The following MLXIP variants were observed in gnomAD, a reference collection of about 807,000 sequenced individuals.
MLXIP encodes the protein MLX-interacting protein.
MLXIP carries 30 observed loss-of-function variants against 87.2 expected under a neutral mutation model. That is an observed-to-expected ratio of 0.34 (90% CI 0.26 to 0.47). MLXIP has a LOEUF of 0.47. MLXIP is among the 20% of genes least tolerant of loss of function. The pLI is 1.00. For synonymous variants in MLXIP, 530 were observed against 514.0 expected (o/e 1.03, Z -0.42); for missense variants, 1,002 against 1,240.1 (o/e 0.81, Z 2.88).
chr12:122,111,456 A>G (rs1952605250), intron 1 of MLXIP, among the ~76,000 whole-genome samples: 1 of 152,194 alleles, frequency 6.6e-6, no homozygotes, highest in Non-Finnish European at 1.5e-5. Context: ...GAATATTTAA[A>G]CCAACTACCA....
intron 12 of MLXIP, 62 bp from the exon 13 acceptor site, chr12:122,138,132 A>C: frequency 7.0e-7 from 1 of 1,428,168 alleles, no homozygotes; most frequent in Non-Finnish European, 9.6e-7. Context: ...GTAGGGGGTG[A>C]GGAAGGGTGG....
intron 3 of MLXIP, 33 bp from the exon 4 acceptor site, chr12:122,129,104 C>G: frequency 6.5e-7 from 1 of 1,539,780 alleles, no homozygotes; most frequent in Non-Finnish European, 8.9e-7. Flanking sequence ...AAGCAGAGCC[C>G]CCTCTTCACT....
chr12:122,132,418 C>T (rs776053066), intron 8 of MLXIP, 35 bp downstream of exon 8: 2 of 1,520,606 alleles, frequency 1.3e-6, no homozygotes, highest in Non-Finnish European at 1.8e-6. Context: ...GGGGAAGGGG[C>T]TGGCAGGCAC....
At chr12:122,136,872 G>C (rs1953102972) in intron 11 of MLXIP, 1 of 152,210 alleles carries the variant, frequency 6.6e-6, no homozygotes, top group Admixed American at 6.6e-5. Flanking sequence ...CATTGCCTTG[G>C]TCTCCGGAGT....
At chr12:122,101,570 T>TTTATTTA in intron 1 of MLXIP, among the ~76,000 whole-genome samples, 1 of 98,918 alleles carries the variant, frequency 1.0e-5, no homozygotes, top group Non-Finnish European at 2.0e-5. Context: ...TTATTTATTT[T>TTTATTTA]TTTCTTTTTT....
At chr12:122,141,610 T>G (rs1953205333) in intron 16 of MLXIP, 81 bp from the exon 17 acceptor site, 2 of 1,562,716 alleles carry the variant, frequency 1.3e-6, no homozygotes, top group Admixed American at 3.5e-5. Flanking sequence ...CATTCCCACA[T>G]GGGTTGTAGG....
intron 1 of MLXIP, among the ~76,000 whole-genome samples, chr12:122,119,205 AAC>A (rs1952740215): frequency 6.6e-6 from 1 of 151,944 alleles, no homozygotes; most frequent in African/African-American, 2.4e-5. Context: ...AAAACAAACA[AAC>A]AAAAAAACAG....
chr12:122,088,882 C>T (rs1952206338), intron 1 of MLXIP, among the ~76,000 whole-genome samples: 1 of 151,778 alleles, frequency 6.6e-6, no homozygotes, highest in Non-Finnish European at 1.5e-5. Context: ...TAAAGAACAG[C>T]CTGAAGAGGC....
Position 122,141,721 on chromosome 12 carries a change from C to A in MLXIP, c.2669C>A (p.Thr890Asn). The A allele has an allele frequency of 6.2e-7, 1 of 1,613,878 alleles. No homozygotes were observed. Among genetic ancestry groups the A allele is most frequent in the Non-Finnish European group, 8.5e-7 (1 of 1,179,874 alleles). Residue 890 changes from threonine (T) to asparagine (N), a missense_variant, in exon 17 of 17, where the codon ACC becomes AAC. By Grantham distance (65) the Thr-to-Asn change is moderately conservative (BLOSUM62 0). This residue lies in a region of MLXIP where 746 missense variants were observed against 897.0 expected (regional missense o/e 0.83). Transcript: ENST00000319080. ...MVLSTLRQLS[T>N]STSILTDPAQ... The stretch of plus-strand genomic sequence containing the variant: ...TTGAGCACGCTGCGGCAGCTGAGCA[C>A]CTCCACCTCCATCCTCACAGACCCG...
At chr12:122,087,560 C>T (rs1219374710) in intron 1 of MLXIP, among the ~76,000 whole-genome samples, 1 of 152,066 alleles carries the variant, frequency 6.6e-6, no homozygotes, top group Non-Finnish European at 1.5e-5. Flanking sequence ...GTGAGCTTGG[C>T]GCATTGCAAG....
rs761117981 is a variant in MLXIP at position 122,141,941 on chromosome 12, G to A, written c.*129G>A. The stretch of plus-strand genomic sequence containing the variant: ...CTCTCTCCAACTCTGCCGGCCCACC[G>A]TGGCATCGGGAGGCCATGCTCAGGT... On this transcript the variant is annotated 3_prime_UTR_variant, in exon 17 of 17. Transcript: ENST00000319080. 43 of 1,412,474 alleles carry A rather than the reference G, an allele frequency of 3.0e-5. No homozygotes were observed. Among genetic ancestry groups the A allele is most frequent in the Middle Eastern group, 2.6e-4 (1 of 3,910 alleles). 87.5% of individuals were successfully genotyped at this position (1,412,474 alleles called of 1,614,324 possible).
intron 1 of MLXIP, among the ~76,000 whole-genome samples, chr12:122,117,041 A>T (rs1165366233): frequency 6.6e-6 from 1 of 152,136 alleles, no homozygotes; most frequent in African/African-American, 2.4e-5. Context: ...GGTCATGGAA[A>T]TGATTACTCC....
rs918028619 is a variant in MLXIP at position 122,133,170 on chromosome 12, C to T, written c.1093-178C>T. ...TAGTTTTTAATGGAAACAAGACCCC[C>T]GCAGACACGCAGGGAAACACAAATC... On this transcript the variant is annotated intron_variant, in intron 8 of 16. Coordinates refer to ENST00000319080, the MANE Select transcript of MLXIP (RefSeq NM_014938.6). This position sits in a 1 kb window ranked among gnomAD's most constrained non-coding sequence, Gnocchi z 4.9. The T allele has an allele frequency of 4.1e-5, 26 of 631,414 alleles. No homozygotes were observed. Among genetic ancestry groups the T allele is most frequent in the Non-Finnish European group, 5.3e-5 (21 of 395,412 alleles). The allele number at this position is 631,414 out of a possible 1,614,324, so 39.1% of individuals were successfully genotyped here.
In MLXIP at chr12:122,146,048, A is replaced by G. The variant is rs1050464451; in HGVS notation, c.*4236A>G. The G allele has an allele frequency of 2.0e-5, 3 of 152,272 alleles. No individual in the cohort carries two copies. Among genetic ancestry groups the G allele is most frequent in the African/African-American group, 7.2e-5 (3 of 41,386 alleles). 9.4% of individuals were successfully genotyped at this position (152,272 alleles called of 1,614,324 possible). A position where few individuals can be genotyped will look rare whatever the true frequency, so the allele number is the denominator to read the frequency against. On this transcript the variant is annotated 3_prime_UTR_variant, in exon 17 of 17. Coordinates refer to ENST00000319080, the MANE Select transcript of MLXIP (RefSeq NM_014938.6). ...ACACCTGCTCCCCGGCCCCAGAGGA[A>G]CCCACCTGTTTTGGAGCTCAGCTTG... is the stretch of plus-strand genomic sequence containing the variant.
chr12:122,107,264 T>C (rs1362510205), intron 1 of MLXIP, among the ~76,000 whole-genome samples: 2 of 151,996 alleles, frequency 1.3e-5, no homozygotes, highest in African/African-American at 4.8e-5. Context: ...GCAATTCCTG[T>C]GTAAGGGCTA....
At position 122,146,645 on chromosome 12, in the gene MLXIP, C is replaced by A. The variant is rs538323265; in HGVS notation, c.*4833C>A. 3 of 87,284 alleles carry A rather than the reference C, an allele frequency of 3.4e-5. No individual in the cohort carries two copies. The highest frequency in any genetic ancestry group is 5.8e-5 in the Non-Finnish European group (2 of 34,244). 5.4% of individuals were successfully genotyped at this position (87,284 alleles called of 1,614,324 possible). A position where few individuals can be genotyped will look rare whatever the true frequency, so the allele number is the denominator to read the frequency against. The stretch of plus-strand genomic sequence containing the variant: ...GCGTGTGTGTGTGTGTGTGTGCACG[C>A]GCGCGTGTGCGTGTTGACTTCATGG... On this transcript the variant is annotated 3_prime_UTR_variant, in exon 17 of 17. Transcript: ENST00000319080.
At chr12:122,086,567 G>C (rs1195357260) in intron 1 of MLXIP, among the ~76,000 whole-genome samples, 1 of 152,132 alleles carries the variant, frequency 6.6e-6, no homozygotes, top group East Asian at 1.9e-4. Flanking sequence ...TTACTTCTTG[G>C]GTAGAAAATG....
intron 1 of MLXIP, among the ~76,000 whole-genome samples, chr12:122,096,910 C>T (rs968503731): frequency 1.1e-4 from 17 of 152,198 alleles, no homozygotes; most frequent in Non-Finnish European, 2.4e-4. Flanking sequence ...TGGAATGCTG[C>T]GGGTACATGT....
At chr12:122,131,308 T>C (rs373380643) in intron 7 of MLXIP, among the ~76,000 whole-genome samples, 5 of 152,010 alleles carry the variant, frequency 3.3e-5, no homozygotes, top group African/African-American at 1.2e-4. Flanking sequence ...CCCAGGATAG[T>C]TGCCAACATG....
Sources: gnomAD v4.1 joint callset for allele counts (sites outside exome capture counted in the v4.1 genomes callset) on GRCh38, gnomAD v4.1.1 for gene constraint, gnomAD v4.1.1 regional missense constraint, Gnocchi (gnomAD v3.1) non-coding constraint, MANE v1.5 for transcripts, NCBI Gene and HGNC (gene_info 2026-07-23, HGNC 2026-07-21) for gene names.